The following TNR variants were observed in gnomAD, a reference collection of about 807,000 sequenced individuals.
The protein encoded by TNR is tenascin R.
In TNR, 45 loss-of-function variants were observed where a neutral mutation model predicts 150.4. The observed-to-expected ratio is 0.30, with a 90% confidence interval of 0.24 to 0.38. The LOEUF is 0.38. TNR is among the 10% of genes least tolerant of loss of function. The probability of loss-of-function intolerance (pLI) is 1.00; values close to 1 mark genes in which losing one functional copy is unlikely to be tolerated. For missense variants in TNR, 1,544 were observed against 1,759.1 expected (o/e 0.88, Z 2.19); for synonymous variants, 687 against 678.4 (o/e 1.01, Z -0.20).
chr1:175,466,246 A>G (rs535507256), intron 2 of TNR, among the ~76,000 whole-genome samples: 5 of 152,326 alleles, frequency 3.3e-5, no homozygotes, highest in Admixed American at 6.5e-5. Flanking sequence ...ATAGCTAGGA[A>G]TCAAATGCCA....
At chr1:175,617,357 T>C (rs966832354) in intron 1 of TNR, among the ~76,000 whole-genome samples, 1 of 152,230 alleles carries the variant, frequency 6.6e-6, no homozygotes, top group Non-Finnish European at 1.5e-5. Context: ...GGTGCCTCTA[T>C]GTGCCAGCCT....
intron 1 of TNR, among the ~76,000 whole-genome samples, chr1:175,676,021 T>C (rs568568394): frequency 6.6e-6 from 1 of 152,236 alleles, no homozygotes; most frequent in East Asian, 1.9e-4. Flanking sequence ...ATATGCATGG[T>C]GCCATAGTAA....
intron 2 of TNR, among the ~76,000 whole-genome samples, chr1:175,486,921 CTTT>C (rs991572372): frequency 3.3e-5 from 5 of 152,176 alleles, no homozygotes; most frequent in African/African-American, 1.2e-4. Context: ...TAAATGTCTT[CTTT>C]TGAGAAGTGT....
chr1:175,369,352 C>T (rs1215901238), intron 9 of TNR, among the ~76,000 whole-genome samples: 1 of 152,148 alleles, frequency 6.6e-6, no homozygotes. Flanking sequence ...TCTAGGAGAC[C>T]TAGGTTCTGG....
intron 1 of TNR, among the ~76,000 whole-genome samples, chr1:175,597,461 A>G (rs1395293491): frequency 6.6e-6 from 1 of 152,244 alleles, no homozygotes; most frequent in African/African-American, 2.4e-5. Flanking sequence ...TACTGTGGAT[A>G]GAGGGAGCAT....
chr1:175,546,585 G>C (rs576430975), intron 1 of TNR, among the ~76,000 whole-genome samples: 1 of 152,298 alleles, frequency 6.6e-6, no homozygotes, highest in South Asian at 2.1e-4. Flanking sequence ...AATCTAAAAC[G>C]ATATCACATA....
intron 1 of TNR, among the ~76,000 whole-genome samples, chr1:175,708,023 T>C (rs971407553): frequency 8.6e-5 from 9 of 104,352 alleles, no homozygotes; most frequent in African/African-American, 4.1e-4. Context: ...TGTGTTTGTG[T>C]GTGTGTGTGT....
chr1:175,730,381 T>C (rs757666392), intron 1 of TNR, among the ~76,000 whole-genome samples: 2 of 152,182 alleles, frequency 1.3e-5, no homozygotes, highest in African/African-American at 4.8e-5. Flanking sequence ...AGCTGGTTCC[T>C]AGACATTAGC....
chr1:175,622,541 G>C (rs562309997), intron 1 of TNR, among the ~76,000 whole-genome samples: 1 of 152,180 alleles, frequency 6.6e-6, no homozygotes, highest in African/African-American at 2.4e-5. Context: ...CGATATCCAC[G>C]TGCCACTCAC....
At chr1:175,473,751 G>C (rs956475790) in intron 2 of TNR, among the ~76,000 whole-genome samples, 3 of 152,182 alleles carry the variant, frequency 2.0e-5, no homozygotes, top group Admixed American at 6.5e-5. Context: ...TTTTATGTGG[G>C]AGCAGCTAAC....
chr1:175,514,508 C>G (rs1557979934), intron 2 of TNR, among the ~76,000 whole-genome samples: 2 of 152,198 alleles, frequency 1.3e-5, no homozygotes, highest in Non-Finnish European at 2.9e-5. Context: ...AACAGGAAAC[C>G]AATACACAGA....
At chr1:175,517,048 AGAGAGAGAGAAAGAG>A (rs1659440107) in intron 2 of TNR, among the ~76,000 whole-genome samples, 3 of 148,752 alleles carry the variant, frequency 2.0e-5, no homozygotes, top group African/African-American at 5.2e-5. Context: ...AGAGAGAGAG[AGAGAGAGAGAAAGAG>A]AGAGAGACCT....
intron 2 of TNR, among the ~76,000 whole-genome samples, chr1:175,435,705 C>T (rs1021676295): frequency 4.6e-5 from 7 of 152,152 alleles, no homozygotes; most frequent in African/African-American, 1.7e-4. Flanking sequence ...TTATTTTGCT[C>T]GTTAGTTGAT....
At chr1:175,552,459 T>C (rs1471463920) in intron 1 of TNR, among the ~76,000 whole-genome samples, 1 of 152,208 alleles carries the variant, frequency 6.6e-6, no homozygotes, top group Non-Finnish European at 1.5e-5. Context: ...ACATATGTTA[T>C]CTCGTTTGAT....
chr1:175,374,254 C>A (rs1348638172), intron 9 of TNR, among the ~76,000 whole-genome samples: 1 of 152,156 alleles, frequency 6.6e-6, no homozygotes. Flanking sequence ...TGCCAGTGTA[C>A]CCTGAGGAGC....
intron 1 of TNR, among the ~76,000 whole-genome samples, chr1:175,714,590 AC>A (rs1358228838): frequency 6.6e-6 from 1 of 152,166 alleles, no homozygotes; most frequent in Non-Finnish European, 1.5e-5. Context: ...CAGCTAATGC[AC>A]ACTGAACCAT....
At chr1:175,630,680 A>G (rs927533568) in intron 1 of TNR, among the ~76,000 whole-genome samples, 5 of 152,212 alleles carry the variant, frequency 3.3e-5, no homozygotes, top group Non-Finnish European at 7.3e-5. Context: ...TCCCTTTCCT[A>G]CCACAGTATT....
chr1:175,622,647 G>C (rs1304522654), intron 1 of TNR, among the ~76,000 whole-genome samples: 1 of 152,190 alleles, frequency 6.6e-6, no homozygotes, highest in African/African-American at 2.4e-5. Flanking sequence ...GACTGCTTTA[G>C]ATGCCTGTAT....
In TNR at chr1:175,323,184, G is replaced by A. The variant is rs1649157317; in HGVS notation, c.*173C>T. Reference sequence around the variant, plus strand: ...TGGAGACTGAGGGTCAGGCTCCAGGGCAGCAGAAACCAAGAGCAGATGTTA... The same window carrying A: ...TGGAGACTGAGGGTCAGGCTCCAGGACAGCAGAAACCAAGAGCAGATGTTA... On this transcript the variant is annotated 3_prime_UTR_variant, in exon 23 of 23. Transcript: ENST00000367674. 2 of 788,266 alleles carry A rather than the reference G, an allele frequency of 2.5e-6. No homozygotes were observed. Among genetic ancestry groups the A allele is most frequent in the Non-Finnish European group, 1.9e-6 (1 of 522,142 alleles). The allele number at this position is 788,266 out of a possible 1,614,324, so 48.8% of individuals were successfully genotyped here.
Sources: gnomAD v4.1 joint callset for allele counts (sites outside exome capture counted in the v4.1 genomes callset) on GRCh38, gnomAD v4.1.1 for gene constraint, MANE v1.5 for transcripts, NCBI Gene and HGNC (gene_info 2026-07-23, HGNC 2026-07-21) for gene names.